SEC14L2: variants seen among roughly 807,000 people sequenced by gnomAD.
SEC14L2 encodes the protein SEC14-like protein 2.
Under a neutral mutation model 56.9 loss-of-function variants are expected in SEC14L2, and 50 were observed. The observed-to-expected ratio is 0.88, with a 90% CI of 0.70 to 1.11. The LOEUF is 1.11. Ranked by LOEUF, SEC14L2 falls within the 50% of genes most tolerant of loss-of-function variation. The probability of loss-of-function intolerance (pLI) is 0.00; values close to 1 mark genes in which losing one functional copy is unlikely to be tolerated. For missense variants in SEC14L2, 414 were observed against 500.7 expected (o/e 0.83, Z 1.65); for synonymous variants, 179 against 188.5 (o/e 0.95, Z 0.41).
chr22:30,422,180 CTGCCT>C (rs1461134705), intron 11 of SEC14L2, 92 bp from the exon 12 acceptor site: 2 of 1,478,262 alleles, frequency 1.4e-6, no homozygotes, highest in African/African-American at 2.8e-5. Flanking sequence ...ACCTGCCACA[CTGCCT>C]TGCTCAGTCA....
At chr22:30,411,871 C>T (rs373837302) in intron 8 of SEC14L2, among the ~76,000 whole-genome samples, 42 of 151,934 alleles carry the variant, frequency 2.8e-4, no homozygotes, top group African/African-American at 9.9e-4. Flanking sequence ...CATGGGAGCA[C>T]TCAGCGGGAG....
chr22:30,398,711 G>A (rs544156882), intron 1 of SEC14L2: 17 of 471,564 alleles, frequency 3.6e-5, no homozygotes, highest in South Asian at 2.3e-4. Flanking sequence ...AGGAAGCCGT[G>A]TGAGACCACC....
chr22:30,407,657 C>T, intron 5 of SEC14L2, 54 bp downstream of exon 5: 1 of 1,514,328 alleles, frequency 6.6e-7, no homozygotes, highest in Non-Finnish European at 9.1e-7. Flanking sequence ...GGCATTCCAG[C>T]AGAAGCAGGG....
At chr22:30,404,989 G>A (rs573119723) in intron 2 of SEC14L2, among the ~76,000 whole-genome samples, 4 of 152,090 alleles carry the variant, frequency 2.6e-5, no homozygotes, top group Admixed American at 2.6e-4. Context: ...AGAATTGCTT[G>A]AACCCGGGAG....
At chr22:30,407,754 A>G (rs1243637622) in intron 5 of SEC14L2, 151 bp downstream of exon 5, 3 of 660,100 alleles carry the variant, frequency 4.5e-6, no homozygotes, top group South Asian at 2.7e-5. Flanking sequence ...TTTTTAGTAG[A>G]GACGGGGTTT....
chr22:30,398,828 C>G (rs1384149771), intron 1 of SEC14L2: 2 of 468,330 alleles, frequency 4.3e-6, no homozygotes, highest in East Asian at 1.4e-4. Flanking sequence ...GGTTTGCATC[C>G]CAACTCTGCT....
Position 30,422,360 on chromosome 22 carries a change from G to A in SEC14L2, c.1165G>A (p.Ala389Thr), listed in dbSNP as rs765073104. Reference sequence around the variant, plus strand: ...TGTGGAGGTCCTGCTTCCAGACAAAGCCTCAGAAGAGAAGATGAAACAGCT... The same window carrying A: ...TGTGGAGGTCCTGCTTCCAGACAAAACCTCAGAAGAGAAGATGAAACAGCT... ...FTVEVLLPDK[A>T]SEEKMKQLGA... Residue 389 changes from alanine (A) to threonine (T), a missense_variant, in exon 12 of 12, where the codon GCC becomes ACC. By Grantham distance (58) the Ala-to-Thr change is moderately conservative. Transcript: ENST00000615189. 3.1e-6 allele frequency: 5 copies of A among 1,614,092 alleles called. No homozygotes were observed. In the Admixed American group the frequency reaches 6.7e-5, roughly 22 times the overall value.
chr22:30,404,014 A>G (rs971632922), intron 2 of SEC14L2, among the ~76,000 whole-genome samples: 5 of 131,842 alleles, frequency 3.8e-5, no homozygotes, highest in African/African-American at 8.6e-5. Flanking sequence ...CGTCTCAAAA[A>G]AAAAAAAAAA....
intron 1 of SEC14L2, chr22:30,397,422 A>G: frequency 2.1e-6 from 1 of 485,700 alleles, no homozygotes; most frequent in East Asian, 3.6e-5. Flanking sequence ...CCTGGGGACA[A>G]GTGGTTGCTT....
At chr22:30,412,825 A>G (rs1249451020) in intron 8 of SEC14L2, among the ~76,000 whole-genome samples, 2 of 144,204 alleles carry the variant, frequency 1.4e-5, no homozygotes, top group Non-Finnish European at 3.0e-5. Flanking sequence ...CCCTGTCTCA[A>G]AAAAAAAAAA....
intron 5 of SEC14L2, among the ~76,000 whole-genome samples, chr22:30,408,040 T>C (rs1482758815): frequency 6.6e-5 from 10 of 150,996 alleles, no homozygotes; most frequent in African/African-American, 2.4e-4. Flanking sequence ...AGCAGTCCTT[T>C]AGGAAGCTGC....
At chr22:30,416,534 C>T in intron 11 of SEC14L2, 131 bp downstream of exon 11, 1 of 1,548,832 alleles carries the variant, frequency 6.5e-7, no homozygotes, top group South Asian at 1.2e-5. Flanking sequence ...GTTCAATCCT[C>T]TCCTTGTATA....
intron 3 of SEC14L2, among the ~76,000 whole-genome samples, chr22:30,406,695 T>C (rs890414824): frequency 6.6e-6 from 1 of 152,168 alleles, no homozygotes; most frequent in Admixed American, 6.6e-5. Flanking sequence ...ACGCTGTCGC[T>C]TATTGCTACA....
intron 2 of SEC14L2, among the ~76,000 whole-genome samples, chr22:30,404,992 C>A (rs2283871): frequency 0.2 from 29,589 of 151,700 alleles, 3,101 homozygotes; most frequent in South Asian, 0.39. Context: ...ATTGCTTGAA[C>A]CCGGGAGGCA....
intron 11 of SEC14L2, among the ~76,000 whole-genome samples, chr22:30,419,997 AG>A (rs1934475479): frequency 1.4e-5 from 2 of 147,988 alleles, no homozygotes; most frequent in African/African-American, 5.0e-5. Context: ...CTTGTTGCCC[AG>A]GATGGAATGT....
At chr22:30,397,609 T>G (rs1257512876) in intron 1 of SEC14L2, 1 of 305,180 alleles carries the variant, frequency 3.3e-6, no homozygotes, top group Non-Finnish European at 6.4e-6. Context: ...CTTGGGAGAC[T>G]TGGATAGCTC....
At position 30,407,139 on chromosome 22, in the gene SEC14L2, C is replaced by T. The variant is rs758961066; in HGVS notation, c.219C>T (p.Ser73=). 3.8e-5 allele frequency: 62 copies of T among 1,613,918 alleles called. No homozygotes were observed. Among genetic ancestry groups the T allele is most frequent in the Non-Finnish European group, 5.2e-5 (61 of 1,180,002 alleles). The change falls in exon 4 of 12, where the codon AGC becomes AGT. Residue 73 remains serine, a synonymous_variant. Coordinates refer to ENST00000615189, the MANE Select transcript of SEC14L2 (RefSeq NM_012429.5). The part of the protein sequence containing the change: ...RKQKDIDNII[S]WQPPEVIQQY... ...AAAAGGACATTGACAACATCATTAGCTGGCAGCCTCCAGAGGTGAGCACAA... is the reference window on the plus strand; with the variant it reads ...AAAAGGACATTGACAACATCATTAGTTGGCAGCCTCCAGAGGTGAGCACAA...
At chr22:30,404,726 G>T (rs568662909) in intron 2 of SEC14L2, among the ~76,000 whole-genome samples, 34 of 152,148 alleles carry the variant, frequency 2.2e-4, no homozygotes, top group Admixed American at 6.6e-5. Context: ...GATTTGGGGG[G>T]TTTCAGTGCC....
At chr22:30,410,803 AC>A in intron 8 of SEC14L2, 124 bp downstream of exon 8, 1 of 826,286 alleles carries the variant, frequency 1.2e-6, no homozygotes, top group Non-Finnish European at 2.0e-6. Context: ...GAGCAGTGGG[AC>A]CCAGGAGCAA....
Sources: gnomAD v4.1 joint callset for allele counts (sites outside exome capture counted in the v4.1 genomes callset) on GRCh38, gnomAD v4.1.1 for gene constraint, MANE v1.5 for transcripts, NCBI Gene and HGNC (gene_info 2026-07-23, HGNC 2026-07-21) for gene names.